GRM4: variants seen among roughly 807,000 people sequenced by gnomAD.
GRM4 encodes glutamate metabotropic receptor 4.
A neutral mutation model predicts 81.7 loss-of-function variants in GRM4; 28 were observed. That is an observed-to-expected ratio of 0.34 (90% CI 0.25 to 0.47). GRM4 has a LOEUF of 0.47. GRM4 is among the 20% of genes least tolerant of loss of function. The pLI is 1.00. For missense variants in GRM4, 948 were observed against 1,290.0 expected, an observed-to-expected ratio of 0.73 and a Z score of 4.06; for synonymous variants, 488 against 528.8, an observed-to-expected ratio of 0.92 and a Z score of 1.06.
intron 3 of GRM4, among the ~76,000 whole-genome samples, chr6:34,067,178 T>C (rs1479036427): frequency 6.6e-6 from 1 of 152,174 alleles, no homozygotes; most frequent in African/African-American, 2.4e-5. Flanking sequence ...GGATGAAACT[T>C]GGTATCAGTT....
intron 2 of GRM4, among the ~76,000 whole-genome samples, chr6:34,099,669 C>G (rs926079982): frequency 2.0e-5 from 3 of 152,154 alleles, no homozygotes; most frequent in African/African-American, 7.2e-5. Flanking sequence ...CAGCTTGGGA[C>G]AGCCCCACGG....
chr6:34,127,028 T>C (rs1002125522), intron 2 of GRM4, among the ~76,000 whole-genome samples: 2 of 152,234 alleles, frequency 1.3e-5, no homozygotes, highest in Non-Finnish European at 2.9e-5. Context: ...ACATTATTTT[T>C]CTTTGTATTT....
upstream of GRM4, among the ~76,000 whole-genome samples, chr6:34,149,294 T>C (rs1771001013): frequency 5.9e-5 from 9 of 152,228 alleles, no homozygotes. Context: ...CGTGTTGAGC[T>C]GACCCAGCCA....
At chr6:34,119,290 G>T (rs1187691338) in intron 2 of GRM4, among the ~76,000 whole-genome samples, 1 of 152,214 alleles carries the variant, frequency 6.6e-6, no homozygotes, top group Non-Finnish European at 1.5e-5. Flanking sequence ...CAGTTACTCG[G>T]GAGGCTAAGG....
At position 34,092,137 on chromosome 6, in the gene GRM4, C is replaced by T; in HGVS notation, c.520-38G>A. 7.2e-7 allele frequency: 1 copy of T among 1,397,394 alleles called. No individual in the cohort carries two copies. Among genetic ancestry groups the T allele is most frequent in the Non-Finnish European group, 1.0e-6 (1 of 998,444 alleles). The allele number at this position is 1,397,394 out of a possible 1,614,324, so 86.6% of individuals were successfully genotyped here. On this transcript the variant is annotated intron_variant, in intron 2 of 10. Transcript: ENST00000538487. This position sits in a 1 kb window ranked among gnomAD's most constrained non-coding sequence, Gnocchi z 6.8. Reference sequence around the variant, plus strand: ...AGGGGCTGCTGAGGGTGGCGACTGGCTCCCCACCCTGCCTAGCCAGCCCCA... The same window carrying T: ...AGGGGCTGCTGAGGGTGGCGACTGGTTCCCCACCCTGCCTAGCCAGCCCCA...
At chr6:34,101,265 C>T (rs1768822394) in intron 2 of GRM4, among the ~76,000 whole-genome samples, 1 of 152,214 alleles carries the variant, frequency 6.6e-6, no homozygotes. Flanking sequence ...TGCACCTTAA[C>T]ACCTTCAATC....
intron 6 of GRM4, among the ~76,000 whole-genome samples, chr6:34,044,108 A>G (rs1765147877): frequency 1.4e-5 from 2 of 138,572 alleles, no homozygotes. Context: ...ATACATACAC[A>G]TATATACACA....
At chr6:34,072,076 CCA>C (rs1766925057) in intron 3 of GRM4, among the ~76,000 whole-genome samples, 1 of 152,054 alleles carries the variant, frequency 6.6e-6, no homozygotes, top group Non-Finnish European at 1.5e-5. Flanking sequence ...ACCACAGATA[CCA>C]CACACAGACA....
rs1294724057 is a variant in GRM4 at position 34,020,363 on chromosome 6, C to T, written c.*2458G>A. ...GGCAAGTCCTGGACTGAGCATGAAA[C>T]CCCTGCAGGCCCTGCCCTGGACCTA... is the stretch of plus-strand genomic sequence containing the variant. On this transcript the variant is annotated 3_prime_UTR_variant, in exon 11 of 11. Transcript: ENST00000538487. 2 of 152,340 alleles carry T rather than the reference C, an allele frequency of 1.3e-5. No individual in the cohort carries two copies. Among genetic ancestry groups the T allele is most frequent in the Non-Finnish European group, 2.9e-5 (2 of 68,160 alleles). The allele number at this position is 152,340 out of a possible 1,614,324, so 9.4% of individuals were successfully genotyped here. A position where few individuals can be genotyped will look rare whatever the true frequency, so the allele number is the denominator to read the frequency against.
rs978009246 is a variant in GRM4, at chr6:34,113,863, G to C, written c.519+19115C>G. On this transcript the variant is annotated intron_variant, in intron 2 of 10. Coordinates refer to ENST00000538487, the MANE Select transcript of GRM4 (RefSeq NM_000841.4). ...TCCAAGGCTATCTACTGCACCTGGA[G>C]TAAAAGTTCTCCTCTGTCTCAGAGC... is the stretch of plus-strand genomic sequence containing the variant. Among the ~76,000 whole-genome samples, 25 of 152,192 alleles carry C rather than the reference G, an allele frequency of 1.6e-4. 1 individual carries two copies. Among genetic ancestry groups the C allele is most frequent in the Admixed American group, 6.5e-5 (1 of 15,280 alleles).
In GRM4 at chr6:34,022,411, G is replaced by A. The variant is rs1308289810; in HGVS notation, c.*410C>T. The A allele has an allele frequency of 2.5e-5, 5 of 199,858 alleles. No homozygotes were observed. The highest frequency in any genetic ancestry group is 2.0e-4 in the South Asian group (2 of 9,942). The allele number at this position is 199,858 out of a possible 1,614,324, so 12.4% of individuals were successfully genotyped here. On this transcript the variant is annotated 3_prime_UTR_variant, in exon 11 of 11. Coordinates refer to ENST00000538487, the MANE Select transcript of GRM4 (RefSeq NM_000841.4). The surrounding 1 kb of genome is among the most constrained non-coding windows in gnomAD (Gnocchi z 5.6). ...GCCAAGAGTACAAGCAGCCGGGGAC[G>A]CCAGAGAGGGAAAAGGTGAAACAAA...
Position 34,019,181 on chromosome 6 carries a change from G to A in GRM4, c.*3640C>T, listed in dbSNP as rs117041118. On this transcript the variant is annotated 3_prime_UTR_variant, in exon 11 of 11. Transcript: ENST00000538487. ...TCCAGGGCCTGAGAAGTAAGGATGGGAGGGGCAGACCATAAGACATTAGAG... is the reference window on the plus strand; with the variant it reads ...TCCAGGGCCTGAGAAGTAAGGATGGAAGGGGCAGACCATAAGACATTAGAG... 5.5e-4 allele frequency: 84 copies of A among 152,528 alleles called. 2 individuals are homozygous for A. The East Asian group carries it at 0.014, about 26-fold the overall frequency. 9.4% of individuals were successfully genotyped at this position (152,528 alleles called of 1,614,324 possible).
At chr6:34,033,398 T>A (rs1386809685) in intron 9 of GRM4, among the ~76,000 whole-genome samples, 1 of 149,772 alleles carries the variant, frequency 6.7e-6, no homozygotes, top group Non-Finnish European at 1.5e-5. Flanking sequence ...GGGGGAAGGG[T>A]GTGCTGGGGA....
intron 6 of GRM4, among the ~76,000 whole-genome samples, 171 bp from the exon 7 acceptor site, chr6:34,040,919 G>A (rs1409339315): frequency 1.3e-5 from 2 of 152,202 alleles, no homozygotes; most frequent in Non-Finnish European, 2.9e-5. Context: ...AGATGGCCCT[G>A]TGGAGGTGCC....
intron 3 of GRM4, among the ~76,000 whole-genome samples, chr6:34,071,677 ACACAATC>A (rs1385826758): frequency 1.8e-3 from 209 of 114,062 alleles, no homozygotes; most frequent in African/African-American, 7.3e-3. Context: ...CGCACACCAC[ACACAATC>A]ACCACACACC....
intron 3 of GRM4, among the ~76,000 whole-genome samples, chr6:34,077,179 A>G (rs1331088845): frequency 2.0e-5 from 3 of 152,098 alleles, no homozygotes; most frequent in Non-Finnish European, 4.4e-5. Context: ...ATTTCCCCAC[A>G]TGTCCCACAT....
intron 2 of GRM4, among the ~76,000 whole-genome samples, chr6:34,106,140 C>A (rs1210611587): frequency 1.3e-5 from 2 of 152,150 alleles, no homozygotes; most frequent in African/African-American, 4.8e-5. Flanking sequence ...CATGGCCAGG[C>A]ATGGTGGCTC....
chr6:34,052,089 G>A (rs1246938281), intron 6 of GRM4, among the ~76,000 whole-genome samples: 1 of 152,198 alleles, frequency 6.6e-6, no homozygotes. Flanking sequence ...GGCTTTCTTG[G>A]GCACAGGAGC....
At chr6:34,057,950 A>G (rs902921345) in intron 5 of GRM4, among the ~76,000 whole-genome samples, 7 of 151,950 alleles carry the variant, frequency 4.6e-5, no homozygotes, top group East Asian at 3.9e-4. Flanking sequence ...AACTCTCGCT[A>G]TGTGTGTGTG....
Sources: gnomAD v4.1 joint callset for allele counts (sites outside exome capture counted in the v4.1 genomes callset) on GRCh38, gnomAD v4.1.1 for gene constraint, Gnocchi (gnomAD v3.1) non-coding constraint, MANE v1.5 for transcripts, NCBI Gene and HGNC (gene_info 2026-07-23, HGNC 2026-07-21) for gene names.